The following CAMSAP1 variants were observed in gnomAD, a reference collection of about 807,000 sequenced individuals.
CAMSAP1 encodes the protein calmodulin-regulated spectrin-associated protein 1.
CAMSAP1 carries 58 observed loss-of-function variants against 143.5 expected under a neutral mutation model. The observed-to-expected ratio is 0.40, with a 90% confidence interval of 0.33 to 0.50. The LOEUF is 0.50. CAMSAP1 is among the 20% of genes least tolerant of loss of function. The pLI, the probability that CAMSAP1 is intolerant of heterozygous loss-of-function variation, is 0.45. For missense variants in CAMSAP1, 1,969 were observed against 2,115.7 expected, an observed-to-expected ratio of 0.93 and a Z score of 1.36; for synonymous variants, 945 against 859.3, an observed-to-expected ratio of 1.10 and a Z score of -1.74.
chr9:135,863,364 A>G (rs1019500011), intron 4 of CAMSAP1, among the ~76,000 whole-genome samples: 2 of 152,330 alleles, frequency 1.3e-5, no homozygotes, highest in South Asian at 2.1e-4. Context: ...ACTCAGCCCC[A>G]GCCCCACTGC....
At position 135,822,585 on chromosome 9, in the gene CAMSAP1, G is replaced by C. The variant is rs896102468; in HGVS notation, c.2076C>G (p.Pro692=). The C allele has an allele frequency of 1.9e-5, 30 of 1,613,466 alleles. No homozygotes were observed. The highest frequency in any genetic ancestry group is 2.3e-5 in the Non-Finnish European group (27 of 1,179,824). ...PLALGGFDPF[P]QGPSTDGFFL... is the part of the protein sequence containing the mutation. ...AGAAGCCATCCGTGGATGGTCCCTG[G>C]GGGAACGGATCGAATCCGCCAAGGG... is the stretch of plus-strand genomic sequence containing the variant. The change falls in exon 11 of 17, where the codon CCC becomes CCG. Residue 692 remains proline, a synonymous_variant. Coordinates refer to ENST00000389532, the MANE Select transcript of CAMSAP1 (RefSeq NM_015447.4). This position sits in a 1 kb window ranked among gnomAD's most constrained non-coding sequence, Gnocchi z 6.1.
At position 135,827,473 on chromosome 9, in the gene CAMSAP1, G is replaced by A; in HGVS notation, c.1157C>T (p.Pro386Leu). 1 of 1,610,054 alleles carries A rather than the reference G, an allele frequency of 6.2e-7. No individual in the cohort carries two copies. The highest frequency in any genetic ancestry group is 8.5e-7 in the Non-Finnish European group (1 of 1,176,740). ...GCCTTCCGCCGGCAGCTGCACGGGGGGCTGCAGCTCAGCCAGGGTCCCTGC... is the reference window on the plus strand; with the variant it reads ...GCCTTCCGCCGGCAGCTGCACGGGGAGCTGCAGCTCAGCCAGGGTCCCTGC... ...PAAGTLAELQ[P>L]PVQLPAEGCH... Residue 386 changes from proline (P) to leucine (L), a missense_variant, in exon 8 of 17, where the codon CCC (proline) becomes CTC (leucine). Physicochemically the swap from Pro to Leu is moderately conservative, Grantham distance 98. Coordinates refer to ENST00000389532, the MANE Select transcript of CAMSAP1 (RefSeq NM_015447.4).
chr9:135,882,791 G>A lies in CAMSAP1; in HGVS notation c.423+25C>T, dbSNP rs1348626425. ...CCACGGCTCCAGAGGATGGCCCCTG[G>A]GGGCGGCCACCGCAGACCACTCACC... On this transcript the variant is annotated intron_variant, in intron 2 of 16. Coordinates refer to ENST00000389532, the MANE Select transcript of CAMSAP1 (RefSeq NM_015447.4). This position sits in a 1 kb window ranked among gnomAD's most constrained non-coding sequence, Gnocchi z 4.9. 2 of 1,540,208 alleles carry A rather than the reference G, an allele frequency of 1.3e-6. No homozygotes were observed. The highest frequency in any genetic ancestry group is 1.2e-5 in the South Asian group (1 of 83,746).
chr9:135,880,091 A>G (rs1588499441), intron 3 of CAMSAP1, among the ~76,000 whole-genome samples: 2 of 152,150 alleles, frequency 1.3e-5, no homozygotes, highest in South Asian at 2.1e-4. Flanking sequence ...TACATTTTCT[A>G]TAACTATGTC....
chr9:135,817,212 G>GT (rs1835261351), intron 14 of CAMSAP1, among the ~76,000 whole-genome samples: 1 of 152,220 alleles, frequency 6.6e-6, no homozygotes, highest in African/African-American at 2.4e-5. Flanking sequence ...AAACAACACA[G>GT]TTGTCAGGGA....
At position 135,821,716 on chromosome 9, in the gene CAMSAP1, G is replaced by A. The variant is rs920949998; in HGVS notation, c.2945C>T (p.Ala982Val). The A allele has an allele frequency of 6.2e-7, 1 of 1,613,986 alleles. No individual in the cohort carries two copies. The highest frequency in any genetic ancestry group is 1.1e-5 in the South Asian group (1 of 91,082). Reference sequence around the variant, plus strand: ...AGGGTCTTTTGCTTTATGTTGCTGAGCAAAGGCCAGGCTCTCTTTGTCCAC... The same window carrying A: ...AGGGTCTTTTGCTTTATGTTGCTGAACAAAGGCCAGGCTCTCTTTGTCCAC... Reference protein sequence around the residue: ...QDVDKESLAFAQQHKAKDPVA... With the variant: ...QDVDKESLAFVQQHKAKDPVA... The change falls in exon 11 of 17, where the codon GCT becomes GTT. Residue 982 changes from alanine (A) to valine (V), a missense_variant. Ala to Val is a moderately conservative substitution (Grantham distance 64). Around this residue, in one of 4 missense-constraint regions of CAMSAP1, gnomAD observed 1,390 missense variants for 1,420.8 expected, o/e 0.98. Coordinates refer to ENST00000389532, the MANE Select transcript of CAMSAP1 (RefSeq NM_015447.4). The surrounding 1 kb of genome is among the most constrained non-coding windows in gnomAD (Gnocchi z 4.6).
rs946789259 is a variant in CAMSAP1, at chr9:135,820,482, G to A, written c.3822+357C>T. 2.6e-5 allele frequency among the ~76,000 whole-genome samples: 4 copies of A among 151,960 alleles called. No homozygotes were observed. Among genetic ancestry groups the A allele is most frequent in the Non-Finnish European group, 4.4e-5 (3 of 68,012 alleles). On this transcript the variant is annotated intron_variant, in intron 11 of 16. Coordinates refer to ENST00000389532, the MANE Select transcript of CAMSAP1 (RefSeq NM_015447.4). This position sits in a 1 kb window ranked among gnomAD's most constrained non-coding sequence, Gnocchi z 4.4. ...CTGGCCACCTCCAGAGCATTCTAAC[G>A]ACGAACGCTTTTTACGCTTTGGGGC...
intron 1 of CAMSAP1, among the ~76,000 whole-genome samples, chr9:135,884,249 A>G (rs980236472): frequency 2.6e-5 from 4 of 152,130 alleles, no homozygotes; most frequent in Non-Finnish European, 4.4e-5. Context: ...GTAACACTAG[A>G]GACATTCATG....
intron 7 of CAMSAP1, among the ~76,000 whole-genome samples, chr9:135,841,380 C>T (rs1302207420): frequency 6.6e-6 from 1 of 152,202 alleles, no homozygotes; most frequent in Non-Finnish European, 1.5e-5. Context: ...CTCCCATCTC[C>T]CTGGGACAGA....
chr9:135,852,634 C>T (rs1278834293), intron 5 of CAMSAP1, among the ~76,000 whole-genome samples: 1 of 152,168 alleles, frequency 6.6e-6, no homozygotes, highest in Admixed American at 6.5e-5. Context: ...CAAAGCATCT[C>T]TTTTCTCAGT....
chr9:135,907,019 G>A lies in CAMSAP1; in HGVS notation c.141C>T (p.Cys47=), dbSNP rs546802887. 359 of 1,175,328 alleles carry A rather than the reference G, an allele frequency of 3.1e-4. No individual in the cohort carries two copies. Among genetic ancestry groups the A allele is most frequent in the Non-Finnish European group, 3.5e-4 (331 of 940,766 alleles). The allele number at this position is 1,175,328 out of a possible 1,614,324, so 72.8% of individuals were successfully genotyped here. A position where few individuals can be genotyped will look rare whatever the true frequency, so the allele number is the denominator to read the frequency against. The change falls in exon 1 of 17, where the codon TGC becomes TGT. Residue 47 remains cysteine, a synonymous_variant. Coordinates refer to ENST00000389532, the MANE Select transcript of CAMSAP1 (RefSeq NM_015447.4). ...GCCCACCTCGGCCGTAGGCCTTGGC[G>A]CAGATCCACTGCAGGTTGGCGGCGA... ...AKIAANLQWI[C]AKAYGRDNIP...
intron 1 of CAMSAP1, among the ~76,000 whole-genome samples, chr9:135,903,633 C>G (rs1176742051): frequency 6.6e-6 from 1 of 152,236 alleles, no homozygotes; most frequent in East Asian, 1.9e-4. Flanking sequence ...GCTTTCAATG[C>G]TTTCAATCTT....
intron 7 of CAMSAP1, among the ~76,000 whole-genome samples, chr9:135,834,287 G>A (rs779873427): frequency 1.3e-5 from 2 of 152,196 alleles, no homozygotes; most frequent in Non-Finnish European, 2.9e-5. Flanking sequence ...ATATGATCCA[G>A]CAATCCCTCT....
chr9:135,826,387 C>T lies in CAMSAP1; in HGVS notation c.1223+1020G>A, dbSNP rs1312600033. The T allele has an allele frequency of 6.6e-6, 1 of 152,288 alleles. No homozygotes were observed. Among genetic ancestry groups the T allele is most frequent in the Non-Finnish European group, 1.5e-5 (1 of 68,104 alleles). 9.4% of individuals were successfully genotyped at this position (152,288 alleles called of 1,614,324 possible). A position where few individuals can be genotyped will look rare whatever the true frequency, so the allele number is the denominator to read the frequency against. ...GCTCTGAGCTCTGGGGACAGACACC[C>T]CAGTCTCAAAGCCGCCCAACACAGA... On this transcript the variant is annotated intron_variant, in intron 8 of 16. Transcript: ENST00000389532. This position sits in a 1 kb window ranked among gnomAD's most constrained non-coding sequence, Gnocchi z 4.4.
At chr9:135,876,315 C>A (rs1837746025) in intron 3 of CAMSAP1, among the ~76,000 whole-genome samples, 2 of 152,212 alleles carry the variant, frequency 1.3e-5, no homozygotes, top group African/African-American at 4.8e-5. Flanking sequence ...GGGAGAAGAT[C>A]TTCATGATAC....
intron 5 of CAMSAP1, among the ~76,000 whole-genome samples, chr9:135,855,560 G>A (rs188037732): frequency 3.7e-4 from 56 of 151,658 alleles, no homozygotes; most frequent in African/African-American, 1.2e-3. Flanking sequence ...CCAACATGGC[G>A]AAACCCCATC....
rs746596995 is a variant in CAMSAP1 at position 135,865,221 on chromosome 9, A to AAAC, written c.666+1232_666+1234dup. On this transcript the variant is annotated intron_variant, in intron 4 of 16. Coordinates refer to ENST00000389532, the MANE Select transcript of CAMSAP1 (RefSeq NM_015447.4). ...TAAATAACTCCAAGGTGGGACATTT[A>AAAC]AACAACAACAACAAAAAAACAGTTT... is the stretch of plus-strand genomic sequence containing the variant. 12 of 1,077,954 alleles carry AAAC rather than the reference A, an allele frequency of 1.1e-5. No individual in the cohort carries two copies. In the African/African-American group the frequency reaches 1.3e-4, roughly 11 times the overall value. The allele number at this position is 1,077,954 out of a possible 1,614,324, so 66.8% of individuals were successfully genotyped here.
chr9:135,892,848 C>CAAAAAAAAAAAATAAAAA (rs1838327548), intron 1 of CAMSAP1, among the ~76,000 whole-genome samples: 1 of 42,078 alleles, frequency 2.4e-5, no homozygotes, highest in African/African-American at 1.1e-4. Flanking sequence ...AAGACTGTCT[C>CAAAAAAAAAAAATAAAAA]AAAAAAAAAA....
intron 5 of CAMSAP1, among the ~76,000 whole-genome samples, chr9:135,853,327 T>C (rs565706767): frequency 1.8e-4 from 28 of 152,336 alleles, no homozygotes; most frequent in Non-Finnish European, 3.8e-4. Flanking sequence ...CAGGTGCTCC[T>C]GGGTAGTTGA....
Sources: gnomAD v4.1 joint callset for allele counts (sites outside exome capture counted in the v4.1 genomes callset) on GRCh38, gnomAD v4.1.1 for gene constraint, gnomAD v4.1.1 regional missense constraint, Gnocchi (gnomAD v3.1) non-coding constraint, MANE v1.5 for transcripts, NCBI Gene and HGNC (gene_info 2026-07-23, HGNC 2026-07-21) for gene names.